Variants in CHRM3 observed in about 807,000 individuals in gnomAD.
CHRM3 encodes muscarinic acetylcholine receptor M3.
CHRM3 carries 11 observed loss-of-function variants against 41.8 expected under a neutral mutation model. That is an observed-to-expected ratio of 0.26 (90% CI 0.17 to 0.44). The LOEUF (loss-of-function observed/expected upper bound fraction) is 0.44. CHRM3 is among the 20% of genes least tolerant of loss of function. The pLI, the probability that CHRM3 is intolerant of heterozygous loss-of-function variation, is 1.00. For missense variants in CHRM3, 571 were observed against 745.4 expected (o/e 0.77, Z 2.72); for synonymous variants, 297 against 301.4 (o/e 0.99, Z 0.15).
At chr1:239,409,643 T>G (rs1203247741) in intron 1 of CHRM3, among the ~76,000 whole-genome samples, 6 of 152,166 alleles carry the variant, frequency 3.9e-5, no homozygotes, top group Admixed American at 2.6e-4. Flanking sequence ...GAAGTAAAAT[T>G]TGGGCTTGTC....
chr1:239,707,610 CA>C, intron 5 of CHRM3: 1 of 152,304 alleles, frequency 6.6e-6, no homozygotes, highest in Middle Eastern at 3.4e-3. Context: ...CCTGCAGAGA[CA>C]TACAATAGCA....
At chr1:239,583,768 T>C (rs1308343147) in intron 3 of CHRM3, among the ~76,000 whole-genome samples, 2 of 152,218 alleles carry the variant, frequency 1.3e-5, no homozygotes, top group African/African-American at 4.8e-5. Context: ...TTATTTTTTA[T>C]CACCCAGCAC....
intron 6 of CHRM3, among the ~76,000 whole-genome samples, chr1:239,852,734 G>A (rs1243128123): frequency 6.6e-6 from 1 of 152,112 alleles, no homozygotes; most frequent in Non-Finnish European, 1.5e-5. Context: ...GAATTATTCA[G>A]CACATAGTGC....
chr1:239,465,052 A>G (rs536228060), intron 1 of CHRM3, among the ~76,000 whole-genome samples: 33 of 152,308 alleles, frequency 2.2e-4, no homozygotes, highest in Admixed American at 1.1e-3. Flanking sequence ...ATCTAATTCA[A>G]TTTTTTAGGG....
chr1:239,784,708 C>T (rs971585813), intron 5 of CHRM3, among the ~76,000 whole-genome samples: 11 of 152,162 alleles, frequency 7.2e-5, no homozygotes, highest in East Asian at 3.9e-4. Context: ...CTTTTTCTAA[C>T]GCTTTTCCTT....
intron 1 of CHRM3, among the ~76,000 whole-genome samples, chr1:239,472,108 A>T (rs1666169892): frequency 6.6e-6 from 1 of 152,160 alleles, no homozygotes; most frequent in Non-Finnish European, 1.5e-5. Flanking sequence ...GGCAGATAGG[A>T]CACAAGTGAT....
chr1:239,516,367 C>T (rs1162999332), intron 2 of CHRM3, among the ~76,000 whole-genome samples: 2 of 152,144 alleles, frequency 1.3e-5, no homozygotes, highest in Non-Finnish European at 2.9e-5. Flanking sequence ...TCACGATACT[C>T]GCAAAAAGCT....
chr1:239,550,151 G>A (rs1267697984), intron 3 of CHRM3, among the ~76,000 whole-genome samples: 9 of 152,002 alleles, frequency 5.9e-5, no homozygotes, highest in South Asian at 2.1e-4. Context: ...CCTTACCTGC[G>A]TGCCATGATC....
At chr1:239,504,246 A>T (rs983515942) in intron 2 of CHRM3, among the ~76,000 whole-genome samples, 3 of 152,212 alleles carry the variant, frequency 2.0e-5, no homozygotes, top group African/African-American at 7.2e-5. Context: ...CCCATAAAAA[A>T]GGGGGCTGAG....
At chr1:239,685,847 A>T (rs1415826157) in intron 5 of CHRM3, among the ~76,000 whole-genome samples, 1 of 152,082 alleles carries the variant, frequency 6.6e-6, no homozygotes, top group African/African-American at 2.4e-5. Context: ...ACAAAAAATA[A>T]GAACAAAAAA....
At chr1:239,590,260 C>G (rs1341455406) in intron 3 of CHRM3, among the ~76,000 whole-genome samples, 1 of 152,102 alleles carries the variant, frequency 6.6e-6, no homozygotes, top group Non-Finnish European at 1.5e-5. Flanking sequence ...CTCATACTTT[C>G]CCTTCAATTT....
chr1:239,648,736 G>A (rs1031610727), intron 4 of CHRM3, among the ~76,000 whole-genome samples: 7 of 152,214 alleles, frequency 4.6e-5, no homozygotes, highest in Admixed American at 3.9e-4. Context: ...GGAAGGGACT[G>A]TCACAGGGTC....
At chr1:239,827,751 A>G (rs1353610582) in intron 6 of CHRM3, among the ~76,000 whole-genome samples, 1 of 152,210 alleles carries the variant, frequency 6.6e-6, no homozygotes, top group East Asian at 1.9e-4. Context: ...TACAAATTTA[A>G]CCCACAAAAA....
intron 5 of CHRM3, among the ~76,000 whole-genome samples, chr1:239,698,440 A>T (rs755885144): frequency 2.0e-5 from 3 of 152,208 alleles, no homozygotes; most frequent in Non-Finnish European, 2.9e-5. Flanking sequence ...AGGCAGGAAC[A>T]TGCATATCTG....
At chr1:239,658,811 TC>T (rs1466625320) in intron 4 of CHRM3, among the ~76,000 whole-genome samples, 1 of 152,056 alleles carries the variant, frequency 6.6e-6, no homozygotes, top group Admixed American at 6.6e-5. Context: ...CGATCTTGGC[TC>T]ACTGCAACCT....
intron 6 of CHRM3, among the ~76,000 whole-genome samples, chr1:239,898,884 C>A (rs1020740382): frequency 1.3e-5 from 2 of 152,088 alleles, no homozygotes; most frequent in African/African-American, 2.4e-5. Flanking sequence ...AGACTTATAA[C>A]CCCAGAAAAG....
At chr1:239,523,050 G>A (rs1669762276) in intron 2 of CHRM3, among the ~76,000 whole-genome samples, 1 of 152,076 alleles carries the variant, frequency 6.6e-6, no homozygotes, top group African/African-American at 2.4e-5. Context: ...GCCCCTGTTT[G>A]TGGGGTGGTG....
chr1:239,645,721 A>G (rs1671686369), intron 4 of CHRM3, among the ~76,000 whole-genome samples: 1 of 152,192 alleles, frequency 6.6e-6, no homozygotes. Context: ...ATGGACATCA[A>G]AAATAAACTA....
intron 2 of CHRM3, among the ~76,000 whole-genome samples, chr1:239,503,271 C>T (rs1321759509): frequency 6.6e-6 from 1 of 152,036 alleles, no homozygotes; most frequent in Non-Finnish European, 1.5e-5. Context: ...CAACAGCGAC[C>T]AAGCAGAAAG....
Sources: allele counts gnomAD v4.1 joint callset (sites outside exome capture counted in the v4.1 genomes callset), GRCh38; gene constraint gnomAD v4.1.1; transcripts MANE v1.5; gene names NCBI Gene and HGNC (gene_info 2026-07-23, HGNC 2026-07-21).